The following UBA3 variants were observed in gnomAD, a reference collection of about 807,000 sequenced individuals.
The protein encoded by UBA3 is ubiquitin like modifier activating enzyme 3, also known as NEDD8-activating enzyme E1 catalytic subunit.
In UBA3, 26 loss-of-function variants were observed where a neutral mutation model predicts 73.5. The observed-to-expected ratio is 0.35, with a 90% CI of 0.26 to 0.49. The LOEUF is 0.49. Ranked by LOEUF, UBA3 falls within the 20% of genes least tolerant of loss-of-function variation. UBA3 has a pLI of 0.98. For missense variants in UBA3, 495 were observed against 555.6 expected (o/e 0.89, Z 1.10); for synonymous variants, 217 against 191.2 (o/e 1.13, Z -1.11).
chr3:69,079,806 T>G (rs137997772), intron 2 of UBA3: 1 of 403,178 alleles, frequency 2.5e-6, no homozygotes, highest in African/African-American at 2.1e-5. Flanking sequence ...CTCTGACAAT[T>G]TGGGATGGAG....
chr3:69,059,625 G>A (rs1221214463), intron 11 of UBA3, among the ~76,000 whole-genome samples: 2 of 152,050 alleles, frequency 1.3e-5, no homozygotes, highest in African/African-American at 4.8e-5. Flanking sequence ...GTGTGTTCAA[G>A]GAACACAAAG....
At chr3:69,066,714 G>A (rs966571078) in intron 6 of UBA3, among the ~76,000 whole-genome samples, 7 of 152,264 alleles carry the variant, frequency 4.6e-5, no homozygotes, top group African/African-American at 7.2e-5. Flanking sequence ...TTACAGGCAT[G>A]AGCCACCACG....
chr3:69,055,603 G>C, intron 17 of UBA3, 78 bp from the exon 18 acceptor site: 1 of 1,034,584 alleles, frequency 9.7e-7, no homozygotes, highest in Non-Finnish European at 1.4e-6. Context: ...ACAAACTACA[G>C]AGTATTACGG....
chr3:69,056,377 T>A, intron 14 of UBA3, 94 bp from the exon 15 acceptor site: 1 of 1,114,208 alleles, frequency 9.0e-7, no homozygotes, highest in Non-Finnish European at 1.2e-6. Flanking sequence ...TGTTTTATAA[T>A]CATGCATATT....
At chr3:69,066,387 C>T (rs565310337) in intron 6 of UBA3, among the ~76,000 whole-genome samples, 187 of 152,176 alleles carry the variant, frequency 1.2e-3, no homozygotes, top group Non-Finnish European at 2.2e-3. Context: ...TTGCTTTTGA[C>T]GTGGCCTAAG....
At chr3:69,069,234 C>T (rs1376630844) in intron 5 of UBA3, among the ~76,000 whole-genome samples, 1 of 152,106 alleles carries the variant, frequency 6.6e-6, no homozygotes, top group Non-Finnish European at 1.5e-5. Context: ...ACAGTAAATA[C>T]TTTTAAAATA....
chr3:69,061,418 C>T (rs190647132), intron 11 of UBA3, among the ~76,000 whole-genome samples: 1 of 152,338 alleles, frequency 6.6e-6, no homozygotes, highest in African/African-American at 2.4e-5. Context: ...TGCTCTCGAA[C>T]TCCTGACCTC....
intron 1 of UBA3, 60 bp from the exon 2 acceptor site, chr3:69,080,213 AGGGGGGCGAGGGGACGGGGC>A: frequency 2.2e-6 from 1 of 456,254 alleles, no homozygotes; most frequent in Non-Finnish European, 3.9e-6. Context: ...CCGCGAGGGG[AGGGGGGCGAGGGGACGGGGC>A]GGGGGGTGTG....
intron 14 of UBA3, 147 bp from the exon 15 acceptor site, chr3:69,056,430 A>G: frequency 1.2e-6 from 1 of 859,874 alleles, no homozygotes; most frequent in Admixed American, 3.3e-5. Context: ...GCTTTTCATA[A>G]TAGACCATTT....
At position 69,080,313 on chromosome 3, in the gene UBA3, C is replaced by T. The variant is rs771445750; in HGVS notation, c.20+21G>A. On this transcript the variant is annotated intron_variant, in intron 1 of 17. Transcript: ENST00000361055. ...CACAACCCAGCCCAGCCCGGCGCGT[C>T]TGCAGAGCCCCGGTACTTACGGCTC... The T allele has an allele frequency of 3.0e-5, 48 of 1,604,396 alleles. No individual in the cohort carries two copies. In the East Asian group the frequency reaches 9.4e-4, roughly 32 times the overall value.
At chr3:69,064,347 T>C (rs2092049315) in intron 6 of UBA3, among the ~76,000 whole-genome samples, 1 of 152,172 alleles carries the variant, frequency 6.6e-6, no homozygotes, top group Non-Finnish European at 1.5e-5. Flanking sequence ...CCTATATCAT[T>C]ATATTTATGC....
chr3:69,070,457 G>A (rs991977513), intron 5 of UBA3, among the ~76,000 whole-genome samples: 1 of 151,750 alleles, frequency 6.6e-6, no homozygotes, highest in Non-Finnish European at 1.5e-5. Context: ...AGAACAATTT[G>A]AGCACTGTCA....
At chr3:69,057,870 A>G (rs956113187) in intron 11 of UBA3, among the ~76,000 whole-genome samples, 1 of 148,424 alleles carries the variant, frequency 6.7e-6, no homozygotes, top group Non-Finnish European at 1.5e-5. Flanking sequence ...TTACTCTACA[A>G]CCGAGGCTAC....
Position 69,080,349 on chromosome 3 carries a change from G to A in UBA3, c.5C>T (p.Ala2Val), listed in dbSNP as rs746514816. Residue 2 changes from alanine to valine, a missense_variant, in exon 1 of 18, where the codon GCG (alanine) becomes GTG (valine). Physicochemically the swap from Ala to Val is moderately conservative, Grantham distance 64. Coordinates refer to ENST00000361055, the MANE Select transcript of UBA3 (RefSeq NM_003968.4). ...CGGTACTTACGGCTCCTCGCCATCCGCCATATTGTTCTCCGCCTCTTCCCA... is the reference window on the plus strand; with the variant it reads ...CGGTACTTACGGCTCCTCGCCATCCACCATATTGTTCTCCGCCTCTTCCCA... MADGEEPEKKRR... is the reference protein window; with the variant it reads MVDGEEPEKKRR... 2 of 1,599,432 alleles carry A rather than the reference G, an allele frequency of 1.3e-6. No individual in the cohort carries two copies. Among genetic ancestry groups the A allele is most frequent in the Non-Finnish European group, 1.7e-6 (2 of 1,175,418 alleles).
chr3:69,079,680 T>C (rs2092201127), intron 2 of UBA3: 1 of 181,726 alleles, frequency 5.5e-6, no homozygotes, highest in African/African-American at 2.4e-5. Flanking sequence ...CATGTAGAGT[T>C]ATCATTAAAA....
intron 4 of UBA3, among the ~76,000 whole-genome samples, chr3:69,072,706 G>A (rs1051186956): frequency 4.6e-5 from 7 of 152,274 alleles, no homozygotes; most frequent in African/African-American, 1.7e-4. Context: ...GTAAGATATA[G>A]ACCATCTAGC....
chr3:69,080,042 GT>G, intron 2 of UBA3, 69 bp downstream of exon 2: 1 of 1,455,518 alleles, frequency 6.9e-7, no homozygotes, highest in Non-Finnish European at 9.4e-7. Context: ...GCTGCGGCTG[GT>G]CCCCTAGGCC....
rs1167441414 is a variant in UBA3 at position 69,055,887 on chromosome 3, C to T, written c.1267G>A (p.Glu423Lys). 1 of 1,612,762 alleles carries T rather than the reference C, an allele frequency of 6.2e-7. No homozygotes were observed. The highest frequency in any genetic ancestry group is 8.5e-7 in the Non-Finnish European group (1 of 1,179,420). Reference sequence around the variant, plus strand: ...TTGGAGAGATTTGGCCTTGTTCGTTCTTCAATAGAGGTTACCGACTAGAAA... The same window carrying T: ...TTGGAGAGATTTGGCCTTGTTCGTTTTTCAATAGAGGTTACCGACTAGAAA... ...LYLQSVTSIE[E>K]RTRPNLSKTL... The change falls in exon 17 of 18, where the codon GAA becomes AAA. Residue 423 changes from glutamate to lysine, a missense_variant. Coordinates refer to ENST00000361055, the MANE Select transcript of UBA3 (RefSeq NM_003968.4).
At chr3:69,058,727 C>A (rs915814464) in intron 11 of UBA3, among the ~76,000 whole-genome samples, 1 of 152,262 alleles carries the variant, frequency 6.6e-6, no homozygotes, top group Middle Eastern at 3.4e-3. Flanking sequence ...ACCCCTGCCA[C>A]CCATACCCCT....
Sources: gnomAD v4.1 joint callset for allele counts (sites outside exome capture counted in the v4.1 genomes callset) on GRCh38, gnomAD v4.1.1 for gene constraint, MANE v1.5 for transcripts, NCBI Gene and HGNC (gene_info 2026-07-23, HGNC 2026-07-21) for gene names.